The following ST8SIA1 variants were observed in gnomAD, a reference collection of about 807,000 sequenced individuals.
ST8SIA1 encodes alpha-N-acetylneuraminide alpha-2,8-sialyltransferase.
ST8SIA1 carries 16 observed loss-of-function variants against 35.9 expected under a neutral mutation model. The ratio of observed to expected loss-of-function variants is 0.45; its 90% confidence interval spans 0.30 to 0.68. The LOEUF is 0.68. Ranked by LOEUF, ST8SIA1 falls within the 30% of genes least tolerant of loss-of-function variation. The pLI, the probability that ST8SIA1 is intolerant of heterozygous loss-of-function variation, is 0.09. For synonymous variants in ST8SIA1, 170 were observed against 169.6 expected (o/e 1.00, Z -0.02); for missense variants, 383 against 453.6 (o/e 0.84, Z 1.41).
chr12:22,321,462 G>A (rs1003511552), intron 1 of ST8SIA1, among the ~76,000 whole-genome samples: 1 of 152,222 alleles, frequency 6.6e-6, no homozygotes, highest in African/African-American at 2.4e-5. Context: ...GAGGAGGGTG[G>A]AGTGGGCTCC....
At chr12:22,285,667 T>C (rs2135815340) in intron 2 of ST8SIA1, among the ~76,000 whole-genome samples, 1 of 151,624 alleles carries the variant, frequency 6.6e-6, no homozygotes, top group Non-Finnish European at 1.5e-5. Context: ...AGGTCCGGAG[T>C]TCGAGACCAG....
intron 4 of ST8SIA1, among the ~76,000 whole-genome samples, chr12:22,216,063 C>T (rs371469211): frequency 1.3e-5 from 2 of 152,300 alleles, no homozygotes; most frequent in South Asian, 4.1e-4. Context: ...TGCTGTATTA[C>T]GTCATGAAAG....
At chr12:22,330,199 C>G (rs1187026622) in intron 1 of ST8SIA1, among the ~76,000 whole-genome samples, 1 of 152,194 alleles carries the variant, frequency 6.6e-6, no homozygotes, top group Non-Finnish European at 1.5e-5. Context: ...CAAACACCAC[C>G]TCCTCTCTGA....
Position 22,194,370 on chromosome 12 carries a change from T to C in ST8SIA1, c.*7182A>G, listed in dbSNP as rs1864958518. The stretch of plus-strand genomic sequence containing the variant: ...AATGAAGGATATTTACATACTATTA[T>C]CAGACTTCTCCAAGGCCTATAAACT... On this transcript the variant is annotated 3_prime_UTR_variant, in exon 5 of 5. Coordinates refer to ENST00000396037, the MANE Select transcript of ST8SIA1 (RefSeq NM_003034.4). The C allele has an allele frequency of 6.6e-6, 1 of 152,218 alleles. No individual in the cohort carries two copies. Among genetic ancestry groups the C allele is most frequent in the Non-Finnish European group, 1.5e-5 (1 of 68,048 alleles). The allele number at this position is 152,218 out of a possible 1,614,324, so 9.4% of individuals were successfully genotyped here.
In ST8SIA1 at chr12:22,233,069, A is replaced by AG. The variant is rs543671341; in HGVS notation, c.584+15936dup. Among the ~76,000 whole-genome samples the AG allele has an allele frequency of 3.0e-4, 45 of 152,324 alleles. No homozygotes were observed. The East Asian group carries it at 8.5e-3, about 29-fold the overall frequency. ...AAGGACATAACCTTGCAGATTGAAA[A>AG]GGTCCACTGCGTGCCAGCACAATGA... On this transcript the variant is annotated intron_variant, in intron 4 of 4. Coordinates refer to ENST00000396037, the MANE Select transcript of ST8SIA1 (RefSeq NM_003034.4).
At chr12:22,290,473 T>C (rs1490416135) in intron 1 of ST8SIA1, among the ~76,000 whole-genome samples, 1 of 152,206 alleles carries the variant, frequency 6.6e-6, no homozygotes, top group Non-Finnish European at 1.5e-5. Context: ...GCTAGGTTCT[T>C]GGGATATAAA....
intron 4 of ST8SIA1, among the ~76,000 whole-genome samples, chr12:22,214,179 G>A (rs912166558): frequency 6.6e-6 from 1 of 152,052 alleles, no homozygotes; most frequent in Admixed American, 6.5e-5. Flanking sequence ...CTGCAGCAAA[G>A]AGTAGACAAA....
intron 2 of ST8SIA1, among the ~76,000 whole-genome samples, chr12:22,285,877 C>CAAAAAAAACAAAAAAAACAAAAAAAACAA (rs67273710): frequency 9.6e-5 from 10 of 103,630 alleles, no homozygotes; most frequent in Non-Finnish European, 1.9e-4. Context: ...CTGTCAAAAA[C>CAAAAAAAACAAAAAAAACAAAAAAAACAA]AAAAAAAAAA....
chr12:22,254,335 C>T (rs111442609), intron 3 of ST8SIA1, among the ~76,000 whole-genome samples: 2,153 of 152,268 alleles, frequency 0.014, 56 homozygotes, highest in African/African-American at 0.048. Flanking sequence ...TTCCACGTCT[C>T]CTTCATTCAT....
intron 4 of ST8SIA1, among the ~76,000 whole-genome samples, chr12:22,233,156 A>T (rs1865437986): frequency 6.6e-6 from 1 of 152,352 alleles, no homozygotes; most frequent in Non-Finnish European, 1.5e-5. Flanking sequence ...GGCGAGGAAG[A>T]CGACCAGATT....
At chr12:22,307,885 T>C (rs888935423) in intron 1 of ST8SIA1, among the ~76,000 whole-genome samples, 3 of 152,226 alleles carry the variant, frequency 2.0e-5, no homozygotes, top group African/African-American at 7.2e-5. Context: ...ACTTCTTTAC[T>C]AATGAGTTTT....
At chr12:22,323,600 C>A (rs748303618) in intron 1 of ST8SIA1, among the ~76,000 whole-genome samples, 2 of 152,178 alleles carry the variant, frequency 1.3e-5, no homozygotes, top group Non-Finnish European at 2.9e-5. Flanking sequence ...GTCATGGAAT[C>A]AACCTAAATG....
chr12:22,242,021 T>A (rs1222810184), intron 4 of ST8SIA1, among the ~76,000 whole-genome samples: 1 of 152,152 alleles, frequency 6.6e-6, no homozygotes, highest in African/African-American at 2.4e-5. Context: ...TAAAAGAAAG[T>A]CATGCCTCCT....
intron 1 of ST8SIA1, among the ~76,000 whole-genome samples, chr12:22,319,360 A>G (rs1048701872): frequency 6.6e-6 from 1 of 152,226 alleles, no homozygotes; most frequent in Non-Finnish European, 1.5e-5. Context: ...ATGTTCATTA[A>G]ATCTGAACTT....
In ST8SIA1 at chr12:22,332,193, T is replaced by G. The variant is rs576480857; in HGVS notation, c.236+1804A>C. Among the ~76,000 whole-genome samples, 440 of 152,318 alleles carry G rather than the reference T, an allele frequency of 2.9e-3. 7 individuals are homozygous for G. The highest frequency in any genetic ancestry group is 1.4e-3 in the Non-Finnish European group (98 of 68,022). ...GGGATATGTGTTTAGGTAGTTTTCA[T>G]AGTGTGTGGATTTTAATAAGTAATT... On this transcript the variant is annotated intron_variant, in intron 1 of 4. Coordinates refer to ENST00000396037, the MANE Select transcript of ST8SIA1 (RefSeq NM_003034.4).
At chr12:22,295,159 T>A (rs1022704643) in intron 1 of ST8SIA1, among the ~76,000 whole-genome samples, 56 of 152,054 alleles carry the variant, frequency 3.7e-4, no homozygotes, top group African/African-American at 1.3e-3. Context: ...TTGGGTGAAT[T>A]GGGAAAGATG....
chr12:22,284,637 G>T (rs545796313), intron 2 of ST8SIA1, among the ~76,000 whole-genome samples: 70 of 152,158 alleles, frequency 4.6e-4, no homozygotes, highest in African/African-American at 1.6e-3. Flanking sequence ...CATTGAATTG[G>T]TTCTGCCTTT....
Position 22,278,925 on chromosome 12 carries a change from C to G in ST8SIA1, c.381+8224G>C, listed in dbSNP as rs552499984. Among the ~76,000 whole-genome samples the G allele has an allele frequency of 1.3e-4, 20 of 152,304 alleles. No individual in the cohort carries two copies. In the South Asian group the frequency reaches 4.1e-3, roughly 32 times the overall value. On this transcript the variant is annotated intron_variant, in intron 2 of 4. Coordinates refer to ENST00000396037, the MANE Select transcript of ST8SIA1 (RefSeq NM_003034.4). ...TCCTAAATTTTCTCACCACACTTATCCACTTACCTATTTTTCTGACAAACT... is the reference window on the plus strand; with the variant it reads ...TCCTAAATTTTCTCACCACACTTATGCACTTACCTATTTTTCTGACAAACT...
intron 2 of ST8SIA1, among the ~76,000 whole-genome samples, chr12:22,286,146 C>A (rs1866098823): frequency 6.6e-6 from 1 of 152,122 alleles, no homozygotes. Flanking sequence ...TAGATGCTGG[C>A]AATAAACTAA....
Sources: gnomAD v4.1 joint callset for allele counts (sites outside exome capture counted in the v4.1 genomes callset) on GRCh38, gnomAD v4.1.1 for gene constraint, MANE v1.5 for transcripts, NCBI Gene and HGNC (gene_info 2026-07-23, HGNC 2026-07-21) for gene names.